The following TMEM132C variants were observed in gnomAD, a reference collection of about 807,000 sequenced individuals.
TMEM132C encodes transmembrane protein 132C.
Under a neutral mutation model 61.4 loss-of-function variants are expected in TMEM132C, and 29 were observed. That is an observed-to-expected ratio of 0.47 (90% CI 0.35 to 0.64). The LOEUF (loss-of-function observed/expected upper bound fraction) is 0.64, where lower values mean the gene tolerates loss of function less well. Among genes scored for constraint, TMEM132C ranks in the 30% least tolerant of loss-of-function variants. The pLI is 0.00. For missense variants in TMEM132C, 1,408 were observed against 1,476.9 expected (o/e 0.95, Z 0.76); for synonymous variants, 656 against 633.1 (o/e 1.04, Z -0.54).
At chr12:128,488,769 C>T (rs115470611) in intron 2 of TMEM132C, among the ~76,000 whole-genome samples, 1,870 of 152,032 alleles carry the variant, frequency 0.012, 37 homozygotes, top group African/African-American at 0.043. Context: ...TTTCTTCAAA[C>T]GTCAAAAACT....
intron 2 of TMEM132C, among the ~76,000 whole-genome samples, chr12:128,486,049 G>A (rs1871483162): frequency 6.6e-6 from 1 of 152,168 alleles, no homozygotes; most frequent in African/African-American, 2.4e-5. Flanking sequence ...GACACGTTGT[G>A]TGTTCATTTT....
chr12:128,545,958 A>C (rs567075697), intron 3 of TMEM132C, among the ~76,000 whole-genome samples: 7 of 152,316 alleles, frequency 4.6e-5, no homozygotes, highest in African/African-American at 1.7e-4. Context: ...TTCTTAAGTG[A>C]CAGCTGCAAG....
intron 1 of TMEM132C, among the ~76,000 whole-genome samples, chr12:128,380,869 T>C (rs924581003): frequency 2.0e-5 from 3 of 152,236 alleles, no homozygotes; most frequent in Non-Finnish European, 4.4e-5. Context: ...TAAAGACACC[T>C]GATTAGATAC....
intron 4 of TMEM132C, among the ~76,000 whole-genome samples, chr12:128,657,086 C>T (rs893881994): frequency 6.6e-6 from 1 of 152,118 alleles, no homozygotes; most frequent in African/African-American, 2.4e-5. Context: ...TCTTTACCTC[C>T]CAAGAGAAAA....
intron 2 of TMEM132C, among the ~76,000 whole-genome samples, chr12:128,451,721 C>T (rs1000357610): frequency 6.6e-6 from 1 of 151,966 alleles, no homozygotes; most frequent in Non-Finnish European, 1.5e-5. Flanking sequence ...AACAAGTTTC[C>T]TCCTGATGGG....
At chr12:128,629,145 A>G (rs1381890733) in intron 4 of TMEM132C, among the ~76,000 whole-genome samples, 3 of 152,202 alleles carry the variant, frequency 2.0e-5, no homozygotes, top group Non-Finnish European at 4.4e-5. Flanking sequence ...ATCATCATCC[A>G]TTCATTTTTC....
intron 2 of TMEM132C, among the ~76,000 whole-genome samples, chr12:128,480,506 G>A (rs906378345): frequency 2.0e-5 from 3 of 152,194 alleles, no homozygotes; most frequent in South Asian, 2.1e-4. Flanking sequence ...AGTCCCCGGC[G>A]AAGCCAGCCC....
intron 2 of TMEM132C, among the ~76,000 whole-genome samples, chr12:128,472,153 G>A (rs577849432): frequency 5.2e-4 from 79 of 152,114 alleles, no homozygotes; most frequent in African/African-American, 1.8e-3. Flanking sequence ...GTGGGTTGGG[G>A]GCCTCTGTGC....
At chr12:128,357,713 A>G (rs1873559799) in intron 1 of TMEM132C, among the ~76,000 whole-genome samples, 1 of 151,482 alleles carries the variant, frequency 6.6e-6, no homozygotes, top group East Asian at 2.0e-4. Context: ...AAAAAAAAGA[A>G]AAAGAAGGAG....
At chr12:128,395,429 C>A (rs1165651142) in intron 1 of TMEM132C, among the ~76,000 whole-genome samples, 5 of 152,118 alleles carry the variant, frequency 3.3e-5, no homozygotes, top group Admixed American at 1.3e-4. Flanking sequence ...GGCAATGTGC[C>A]CAGTTAAAAA....
At position 128,685,528 on chromosome 12, in the gene TMEM132C, A is replaced by G. The variant is rs75412208; in HGVS notation, c.1450-8301A>G. Among the ~76,000 whole-genome samples the G allele has an allele frequency of 5.3e-5, 8 of 152,284 alleles. No homozygotes were observed. In the East Asian group the frequency reaches 1.5e-3, roughly 29 times the overall value. On this transcript the variant is annotated intron_variant, in intron 5 of 8. Coordinates refer to ENST00000435159, the MANE Select transcript of TMEM132C (RefSeq NM_001136103.3). Reference sequence around the variant, plus strand: ...AATAGCTACTTTGGAGGAAGTAGCTATTAATGGTCAAGTTCCAACGACTAG... The same window carrying G: ...AATAGCTACTTTGGAGGAAGTAGCTGTTAATGGTCAAGTTCCAACGACTAG...
At chr12:128,517,400 A>C (rs1354154337) in intron 2 of TMEM132C, among the ~76,000 whole-genome samples, 1 of 152,158 alleles carries the variant, frequency 6.6e-6, no homozygotes, top group Non-Finnish European at 1.5e-5. Context: ...ACACCACTGC[A>C]CTTCAGCCTG....
At chr12:128,516,401 C>T (rs1227926354) in intron 2 of TMEM132C, among the ~76,000 whole-genome samples, 2 of 152,096 alleles carry the variant, frequency 1.3e-5, no homozygotes, top group Non-Finnish European at 2.9e-5. Flanking sequence ...ACGTCCGAGG[C>T]GTTCCATAGC....
rs1432932514 is a variant in TMEM132C at position 128,695,820 on chromosome 12, T to C, written c.1656-10T>C. On this transcript the variant is annotated splice_polypyrimidine_tract_variant and intron_variant, in intron 6 of 8. Transcript: ENST00000435159. ...CCTGGATCTGAGAGCTCTTTGTCCC[T>C]TCCCACAAGGCCCACTCGTGAGAGC... is the stretch of plus-strand genomic sequence containing the variant. The C allele has an allele frequency of 1.3e-6, 2 of 1,533,818 alleles. No individual in the cohort carries two copies. The highest frequency in any genetic ancestry group is 2.5e-5 in the East Asian group (1 of 40,684).
At chr12:128,340,097 T>C (rs1872908549) in intron 1 of TMEM132C, among the ~76,000 whole-genome samples, 1 of 152,248 alleles carries the variant, frequency 6.6e-6, no homozygotes, top group African/African-American at 2.4e-5. Context: ...AAAATGACTT[T>C]TAGCTGTTGT....
chr12:128,540,869 C>T (rs1565967945), intron 2 of TMEM132C, among the ~76,000 whole-genome samples: 1 of 152,146 alleles, frequency 6.6e-6, no homozygotes, highest in Admixed American at 6.5e-5. Context: ...GGCTCACTCC[C>T]CAGGACTGCT....
chr12:128,509,694 T>C (rs919598564), intron 2 of TMEM132C, among the ~76,000 whole-genome samples: 5 of 151,988 alleles, frequency 3.3e-5, no homozygotes, highest in African/African-American at 1.2e-4. Context: ...AGAACTAGAA[T>C]ATCACAGTCA....
chr12:128,342,001 C>G (rs1872990047), intron 1 of TMEM132C, among the ~76,000 whole-genome samples: 2 of 151,910 alleles, frequency 1.3e-5, no homozygotes, highest in South Asian at 2.1e-4. Context: ...GTTCACCTGG[C>G]CACACTTCTT....
intron 1 of TMEM132C, among the ~76,000 whole-genome samples, chr12:128,365,013 G>A (rs1266640506): frequency 6.6e-6 from 1 of 152,204 alleles, no homozygotes; most frequent in African/African-American, 2.4e-5. Context: ...TATGTTGCGG[G>A]TTTCAGATCA....
Sources: gnomAD v4.1 joint callset for allele counts (sites outside exome capture counted in the v4.1 genomes callset) on GRCh38, gnomAD v4.1.1 for gene constraint, MANE v1.5 for transcripts, NCBI Gene and HGNC (gene_info 2026-07-23, HGNC 2026-07-21) for gene names.